Variants in RNF220 observed in about 807,000 individuals in gnomAD.
RNF220 encodes the protein ring finger protein 220.
A neutral mutation model predicts 67.1 loss-of-function variants in RNF220; 7 were observed. The observed-to-expected ratio is 0.10, with a 90% CI of 0.06 to 0.20. The LOEUF (loss-of-function observed/expected upper bound fraction) is 0.20, where lower values mean the gene tolerates loss of function less well. Ranked by LOEUF, RNF220 falls within the 10% of genes least tolerant of loss-of-function variation. The probability of loss-of-function intolerance (pLI) is 1.00; values close to 1 mark genes in which losing one functional copy is unlikely to be tolerated. For missense variants in RNF220, 565 were observed against 740.3 expected (o/e 0.76, Z 2.75); for synonymous variants, 270 against 283.2 (o/e 0.95, Z 0.47).
chr1:44,543,373 G>T (rs1243266056), intron 2 of RNF220, among the ~76,000 whole-genome samples: 2 of 152,156 alleles, frequency 1.3e-5, no homozygotes, highest in Non-Finnish European at 2.9e-5. Flanking sequence ...CTTTATTATG[G>T]AGAACTCAGC....
In RNF220 at chr1:44,514,091, T is replaced by G. The variant is rs569390074; in HGVS notation, c.626-100074T>G. 6.6e-5 allele frequency among the ~76,000 whole-genome samples: 10 copies of G among 152,334 alleles called. No individual in the cohort carries two copies. The South Asian group carries it at 2.1e-3, about 32-fold the overall frequency. On this transcript the variant is annotated intron_variant, in intron 2 of 14. Transcript: ENST00000361799. ...TATCCTTGTATCGCTTAGTCCTAAA[T>G]ATAACCAAGTAATAGATCAAGTAGC...
chr1:44,636,502 C>G, intron 8 of RNF220: 1 of 715,540 alleles, frequency 1.4e-6, no homozygotes, highest in South Asian at 1.5e-5. Context: ...ATCACTCCAT[C>G]CCTCTTAAGG....
intron 2 of RNF220, among the ~76,000 whole-genome samples, chr1:44,531,910 A>G (rs1660863975): frequency 6.6e-6 from 1 of 152,214 alleles, no homozygotes; most frequent in Non-Finnish European, 1.5e-5. Flanking sequence ...TTTGGCTCAT[A>G]GGGGACATAC....
chr1:44,553,026 G>C (rs1355487746), intron 2 of RNF220, among the ~76,000 whole-genome samples: 4 of 152,062 alleles, frequency 2.6e-5, no homozygotes, highest in Admixed American at 2.6e-4. Context: ...TCCTCTCTTT[G>C]CACATACTGT....
At chr1:44,625,842 A>G (rs979911912) in intron 4 of RNF220, among the ~76,000 whole-genome samples, 4 of 152,004 alleles carry the variant, frequency 2.6e-5, no homozygotes, top group Non-Finnish European at 4.4e-5. Context: ...ATACATCCCT[A>G]GCTGCACGTG....
At chr1:44,589,191 T>C (rs777129458) in intron 2 of RNF220, among the ~76,000 whole-genome samples, 2 of 152,246 alleles carry the variant, frequency 1.3e-5, no homozygotes, top group Non-Finnish European at 2.9e-5. Context: ...CAGGAAGCTA[T>C]ACAGTGAGAC....
chr1:44,509,430 G>A (rs1184633589), intron 2 of RNF220, among the ~76,000 whole-genome samples: 1 of 151,836 alleles, frequency 6.6e-6, no homozygotes. Context: ...GGCGCCTGTA[G>A]TCCCAGCTAC....
chr1:44,611,003 G>A (rs979739526), intron 2 of RNF220, among the ~76,000 whole-genome samples: 11 of 152,208 alleles, frequency 7.2e-5, no homozygotes, highest in African/African-American at 2.7e-4. Context: ...CAGGCCCAGG[G>A]CCAGAGTATG....
intron 2 of RNF220, among the ~76,000 whole-genome samples, chr1:44,493,021 T>C (rs373898240): frequency 6.6e-6 from 1 of 151,972 alleles, no homozygotes; most frequent in Non-Finnish European, 1.5e-5. Flanking sequence ...GCTTCCTGAG[T>C]AGCTGGGACT....
chr1:44,558,365 C>A (rs1400041459), intron 2 of RNF220, among the ~76,000 whole-genome samples: 3 of 151,930 alleles, frequency 2.0e-5, no homozygotes, highest in Non-Finnish European at 4.4e-5. Flanking sequence ...TTTTCTGGCA[C>A]CAGGTGAAAT....
chr1:44,455,166 T>C (rs948558856), intron 2 of RNF220, among the ~76,000 whole-genome samples: 1 of 152,234 alleles, frequency 6.6e-6, no homozygotes, highest in Non-Finnish European at 1.5e-5. Flanking sequence ...CTATTTGTTT[T>C]GCTCTTTCCT....
At chr1:44,526,047 G>A (rs905852315) in intron 2 of RNF220, among the ~76,000 whole-genome samples, 2 of 152,040 alleles carry the variant, frequency 1.3e-5, no homozygotes, top group Non-Finnish European at 2.9e-5. Context: ...TTGACCCTTT[G>A]ATCAACATCT....
intron 2 of RNF220, among the ~76,000 whole-genome samples, chr1:44,484,782 C>G (rs1656133755): frequency 6.6e-6 from 1 of 152,182 alleles, no homozygotes; most frequent in African/African-American, 2.4e-5. Flanking sequence ...ATGAATTTCT[C>G]TCCTATGCAT....
rs1648649690 is a variant in RNF220, at chr1:44,417,409, T to C, written c.625+4687T>C. Among the ~76,000 whole-genome samples, 1 of 152,054 alleles carries C rather than the reference T, an allele frequency of 6.6e-6. No homozygotes were observed. The highest frequency in any genetic ancestry group is 1.5e-5 in the Non-Finnish European group (1 of 67,922). On this transcript the variant is annotated intron_variant, in intron 2 of 14. Coordinates refer to ENST00000361799, the MANE Select transcript of RNF220 (RefSeq NM_018150.4). This position sits in a 1 kb window ranked among gnomAD's most constrained non-coding sequence, Gnocchi z 4.0. Reference sequence around the variant, plus strand: ...TTGCACAGCTAAAGTGGGGCCAGGCTGGACGGGAGCAGTCCCTGATGGCTG... The same window carrying C: ...TTGCACAGCTAAAGTGGGGCCAGGCCGGACGGGAGCAGTCCCTGATGGCTG...
intron 2 of RNF220, among the ~76,000 whole-genome samples, chr1:44,557,798 T>A (rs886709874): frequency 6.6e-5 from 10 of 152,146 alleles, no homozygotes; most frequent in African/African-American, 2.4e-4. Context: ...ATCTTGTGAA[T>A]AAGTTTCTAG....
intron 2 of RNF220, among the ~76,000 whole-genome samples, chr1:44,508,005 G>C (rs975215764): frequency 6.6e-6 from 1 of 152,158 alleles, no homozygotes; most frequent in Non-Finnish European, 1.5e-5. Flanking sequence ...AGCCATCTGT[G>C]CTGGGGTAGG....
intron 2 of RNF220, among the ~76,000 whole-genome samples, chr1:44,577,246 A>T (rs988795951): frequency 5.3e-5 from 8 of 152,298 alleles, no homozygotes; most frequent in African/African-American, 1.9e-4. Flanking sequence ...CTGCCCAAGT[A>T]CAAGCCCCTG....
intron 2 of RNF220, among the ~76,000 whole-genome samples, chr1:44,536,605 G>C (rs270752): frequency 0.15 from 22,764 of 152,080 alleles, 1,936 homozygotes; most frequent in East Asian, 0.31. Context: ...GGGAAGGACG[G>C]ATCTCTTTGC....
At chr1:44,634,046 A>G (rs1048790967) in intron 6 of RNF220, among the ~76,000 whole-genome samples, 1 of 152,242 alleles carries the variant, frequency 6.6e-6, no homozygotes, top group Non-Finnish European at 1.5e-5. Context: ...CTCAAACTCC[A>G]TGCCCAGTTC....
Sources: allele counts gnomAD v4.1 joint callset (sites outside exome capture counted in the v4.1 genomes callset), GRCh38; gene constraint gnomAD v4.1.1; non-coding constraint Gnocchi (gnomAD v3.1); transcripts MANE v1.5; gene names NCBI Gene and HGNC (gene_info 2026-07-23, HGNC 2026-07-21).